Variants in ADAM19 observed in about 807,000 individuals in gnomAD.
The protein encoded by ADAM19 is ADAM metallopeptidase domain 19, also known as disintegrin and metalloproteinase domain-containing protein 19.
A neutral mutation model predicts 114.7 loss-of-function variants in ADAM19; 65 were observed. That is an observed-to-expected ratio of 0.57 (90% confidence interval 0.46 to 0.70). The LOEUF (loss-of-function observed/expected upper bound fraction) is 0.70, where lower values mean the gene tolerates loss of function less well. Ranked by LOEUF, ADAM19 falls within the 30% of genes least tolerant of loss-of-function variation. The pLI is 0.00. For synonymous variants in ADAM19, 466 were observed against 460.5 expected (o/e 1.01, Z -0.15); for missense variants, 1,063 against 1,204.7 (o/e 0.88, Z 1.74).
At chr5:157,548,618 G>T (rs1195333452) in intron 3 of ADAM19, among the ~76,000 whole-genome samples, 4 of 152,292 alleles carry the variant, frequency 2.6e-5, no homozygotes, top group Admixed American at 2.6e-4. Flanking sequence ...TATTCAAGGG[G>T]TCAGCCAAAG....
intron 4 of ADAM19, among the ~76,000 whole-genome samples, chr5:157,537,320 A>G (rs1756794731): frequency 6.6e-6 from 1 of 152,238 alleles, no homozygotes; most frequent in African/African-American, 2.4e-5. Context: ...GCAAACTGAC[A>G]TGTAACCATC....
At chr5:157,569,549 G>A (rs1581362755) in intron 2 of ADAM19, among the ~76,000 whole-genome samples, 1 of 149,850 alleles carries the variant, frequency 6.7e-6, no homozygotes. Flanking sequence ...TTGAGCCATC[G>A]CACTTGGTCT....
chr5:157,501,448 T>A (rs1755559634), intron 12 of ADAM19, among the ~76,000 whole-genome samples: 2 of 152,244 alleles, frequency 1.3e-5, no homozygotes, highest in African/African-American at 2.4e-5. Context: ...CCCACTAGAC[T>A]ATCAGCTCCC....
At position 157,575,625 on chromosome 5, in the gene ADAM19, C is replaced by G; in HGVS notation, c.72G>C (p.Ala24=). The G allele has an allele frequency of 6.9e-7, 1 of 1,443,992 alleles. No homozygotes were observed. Among genetic ancestry groups the G allele is most frequent in the African/African-American group, 1.5e-5 (1 of 67,442 alleles). 89.4% of individuals were successfully genotyped at this position (1,443,992 alleles called of 1,614,324 possible). A position where few individuals can be genotyped will look rare whatever the true frequency, so the allele number is the denominator to read the frequency against. ...TACTTGTCCATCCAGGCTCCCGCGC[C>G]GCCCGCGGCCGGAGGGGCTGCAGGG... The part of the protein sequence containing the change: ...AFALQPLRPR[A]AREPGWTRGS... Residue 24 remains alanine, a synonymous_variant, in exon 1 of 23, where the codon GCG becomes GCC. Coordinates refer to ENST00000257527, the MANE Select transcript of ADAM19 (RefSeq NM_033274.5).
At chr5:157,495,778 C>T (rs548553468) in intron 14 of ADAM19, among the ~76,000 whole-genome samples, 3 of 151,950 alleles carry the variant, frequency 2.0e-5, no homozygotes, top group Non-Finnish European at 2.9e-5. Flanking sequence ...GAATTACAGG[C>T]GTCCACCACC....
rs781236416 is a variant in ADAM19, at chr5:157,488,464, C to T, written c.2351G>A (p.Arg784Gln). 9.3e-6 allele frequency: 15 copies of T among 1,605,730 alleles called. No homozygotes were observed. Among genetic ancestry groups the T allele is most frequent in the Middle Eastern group, 1.8e-4 (1 of 5,506 alleles). The change falls in exon 21 of 23, where the codon CGG becomes CAG. Residue 784 changes from arginine (R) to glutamine (Q), a missense_variant. Coordinates refer to ENST00000257527, the MANE Select transcript of ADAM19 (RefSeq NM_033274.5). ...RKVINTPEIL[R>Q]KPSQPPPRPP... ...CCGGGGAGGAGGCTGGGAGGGCTTC[C>T]GCAGGATTTCCGGAGTGTTGATCAC...
intron 5 of ADAM19, among the ~76,000 whole-genome samples, chr5:157,524,113 G>C (rs756713654): frequency 2.0e-5 from 3 of 152,238 alleles, no homozygotes; most frequent in Non-Finnish European, 4.4e-5. Flanking sequence ...TTTGTTGCTG[G>C]GGGAATGTCT....
Position 157,547,754 on chromosome 5 carries a change from C to A in ADAM19, c.252-9763G>T, listed in dbSNP as rs370531304. On this transcript the variant is annotated intron_variant, in intron 3 of 22. Coordinates refer to ENST00000257527, the MANE Select transcript of ADAM19 (RefSeq NM_033274.5). Reference sequence around the variant, plus strand: ...CTCAGCCCACATGCAACCCATTTCCCAGTTTCCATGATTCCACCCTATAAA... The same window carrying A: ...CTCAGCCCACATGCAACCCATTTCCAAGTTTCCATGATTCCACCCTATAAA... 7.9e-5 allele frequency among the ~76,000 whole-genome samples: 12 copies of A among 152,330 alleles called. 1 individual carries two copies. Among genetic ancestry groups the A allele is most frequent in the Admixed American group, 6.5e-4 (10 of 15,310 alleles).
intron 3 of ADAM19, among the ~76,000 whole-genome samples, chr5:157,561,575 C>T (rs1363171416): frequency 6.6e-6 from 1 of 152,138 alleles, no homozygotes; most frequent in East Asian, 1.9e-4. Context: ...TCTATTAGGG[C>T]CTTGGAACGT....
chr5:157,477,826 T>G lies in ADAM19; in HGVS notation c.*3123A>C, dbSNP rs1754636901. 2 of 856,408 alleles carry G rather than the reference T, an allele frequency of 2.3e-6. No individual in the cohort carries two copies. Among genetic ancestry groups the G allele is most frequent in the Non-Finnish European group, 1.7e-6 (1 of 596,192 alleles). 53.1% of individuals were successfully genotyped at this position (856,408 alleles called of 1,614,324 possible). A position where few individuals can be genotyped will look rare whatever the true frequency, so the allele number is the denominator to read the frequency against. On this transcript the variant is annotated 3_prime_UTR_variant, in exon 23 of 23. Coordinates refer to ENST00000257527, the MANE Select transcript of ADAM19 (RefSeq NM_033274.5). ...ATTGCAGGAGGTGGGGAGGGGCTAT[T>G]GCTTCAGGGGGAAGGGACTATGGCA...
chr5:157,545,426 G>C (rs1383701582), intron 3 of ADAM19, among the ~76,000 whole-genome samples: 2 of 152,148 alleles, frequency 1.3e-5, no homozygotes, highest in Admixed American at 1.3e-4. Context: ...TCTCATCTCA[G>C]AATTTCAAGA....
intron 22 of ADAM19, 34 bp from the exon 23 acceptor site, chr5:157,481,036 C>T (rs1754730222): frequency 6.2e-7 from 1 of 1,613,796 alleles, no homozygotes; most frequent in Non-Finnish European, 8.5e-7. Flanking sequence ...AGAGAGACAT[C>T]AGCTTGATGC....
At chr5:157,507,822 G>A (rs1323116053) in intron 9 of ADAM19, among the ~76,000 whole-genome samples, 1 of 152,032 alleles carries the variant, frequency 6.6e-6, no homozygotes, top group Non-Finnish European at 1.5e-5. Flanking sequence ...TATACATCCA[G>A]GGTAGAGGAG....
intron 5 of ADAM19, among the ~76,000 whole-genome samples, chr5:157,529,793 A>G (rs1457155106): frequency 6.6e-6 from 1 of 152,224 alleles, no homozygotes; most frequent in African/African-American, 2.4e-5. Flanking sequence ...AAGGTCACCC[A>G]GCTGGTAAAC....
intron 5 of ADAM19, among the ~76,000 whole-genome samples, chr5:157,527,490 G>A (rs1038233547): frequency 7.9e-5 from 12 of 152,140 alleles, no homozygotes; most frequent in East Asian, 1.9e-4. Flanking sequence ...GATTACAGGC[G>A]TAAGCCACCG....
At chr5:157,481,485 T>C in intron 22 of ADAM19, 2 of 951,786 alleles carry the variant, frequency 2.1e-6, no homozygotes, top group Non-Finnish European at 1.5e-6. Flanking sequence ...CTGCTCATCA[T>C]AGCCTCTGTA....
chr5:157,547,514 A>G (rs1748356010), intron 3 of ADAM19, among the ~76,000 whole-genome samples: 1 of 152,070 alleles, frequency 6.6e-6, no homozygotes, highest in South Asian at 2.1e-4. Context: ...TCTCCCTTTC[A>G]CCATGGGGTA....
intron 9 of ADAM19, 22 bp downstream of exon 9, chr5:157,509,279 C>A: frequency 6.3e-7 from 1 of 1,594,364 alleles, no homozygotes; most frequent in Non-Finnish European, 8.6e-7. Flanking sequence ...GACAACACAA[C>A]ATATGGAAAA....
chr5:157,488,726 G>A (rs1484595638), intron 20 of ADAM19, among the ~76,000 whole-genome samples: 5 of 152,170 alleles, frequency 3.3e-5, no homozygotes, highest in African/African-American at 1.2e-4. Context: ...GCCCACAGAG[G>A]CTCTTAGAAA....
Sources: allele counts gnomAD v4.1 joint callset (sites outside exome capture counted in the v4.1 genomes callset), GRCh38; gene constraint gnomAD v4.1.1; transcripts MANE v1.5; gene names NCBI Gene and HGNC (gene_info 2026-07-23, HGNC 2026-07-21).